MUC7: variants seen among roughly 807,000 people sequenced by gnomAD.
MUC7 encodes the protein mucin 7, secreted, also known as mucin-7.
A neutral mutation model predicts 2.5 loss-of-function variants in MUC7; 2 were observed. That is an observed-to-expected ratio of 0.81 (90% CI 0.33 to 2.55). The LOEUF (loss-of-function observed/expected upper bound fraction) is 2.55, where lower values mean the gene tolerates loss of function less well. Among genes scored for constraint, MUC7 ranks in the 30% most tolerant of loss-of-function variants. The pLI, the probability that MUC7 is intolerant of heterozygous loss-of-function variation, is 0.11. For missense variants in MUC7, 408 were observed against 455.6 expected (o/e 0.90, Z 0.95); for synonymous variants, 133 against 173.4 (o/e 0.77, Z 1.83).
intron 1 of MUC7, among the ~76,000 whole-genome samples, chr4:70,451,259 T>G (rs1734273168): frequency 1.3e-5 from 2 of 152,246 alleles, no homozygotes; most frequent in African/African-American, 2.4e-5. Context: ...TCACAATTGC[T>G]GTGTTCTCCC....
chr4:70,436,269 T>A (rs1029426820), intron 1 of MUC7, among the ~76,000 whole-genome samples: 1 of 152,202 alleles, frequency 6.6e-6, no homozygotes, highest in Non-Finnish European at 1.5e-5. Flanking sequence ...TTGGGGAAGT[T>A]CTCCTGGATA....
At chr4:70,453,749 C>T (rs948065682) in intron 1 of MUC7, among the ~76,000 whole-genome samples, 1 of 151,998 alleles carries the variant, frequency 6.6e-6, no homozygotes, top group African/African-American at 2.4e-5. Flanking sequence ...CCTGAAGCCA[C>T]TGCATCTCAG....
intron 1 of MUC7, among the ~76,000 whole-genome samples, chr4:70,456,227 GA>G (rs1372428979): frequency 6.6e-6 from 1 of 152,124 alleles, no homozygotes; most frequent in Non-Finnish European, 1.5e-5. Flanking sequence ...GAGGCATTCA[GA>G]AGACTCTGAA....
intron 1 of MUC7, among the ~76,000 whole-genome samples, chr4:70,462,807 T>TA (rs33971256): frequency 1.3e-5 from 2 of 150,138 alleles, no homozygotes; most frequent in African/African-American, 4.9e-5. Context: ...ACCCTATCTC[T>TA]AAAAAAAAAA....
At chr4:70,466,972 C>T (rs1734700003) in intron 1 of MUC7, among the ~76,000 whole-genome samples, 2 of 152,194 alleles carry the variant, frequency 1.3e-5, no homozygotes, top group Admixed American at 1.3e-4. Context: ...CTCAGCACCA[C>T]ATCATACTTA....
In MUC7 at chr4:70,459,551, G is replaced by A. The variant is rs527642572; in HGVS notation, c.-92-12664G>A. On this transcript the variant is annotated intron_variant, in intron 1 of 3. Transcript: ENST00000413702. ...CATATGTAACTAACCTGCACATTGG[G>A]CACATGTACCCTAAAACTTAAAGTA... Among the ~76,000 whole-genome samples the A allele has an allele frequency of 4.6e-5, 7 of 152,052 alleles. No homozygotes were observed. In the East Asian group the frequency reaches 1.2e-3, roughly 25 times the overall value.
chr4:70,471,244 T>A (rs1022307724), upstream of MUC7, among the ~76,000 whole-genome samples: 1 of 152,144 alleles, frequency 6.6e-6, no homozygotes, highest in Non-Finnish European at 1.5e-5. Context: ...TAAATATTTA[T>A]AAAATGACTA....
intron 1 of MUC7, among the ~76,000 whole-genome samples, chr4:70,434,548 G>T (rs960128304): frequency 1.3e-5 from 2 of 152,146 alleles, no homozygotes; most frequent in Non-Finnish European, 2.9e-5. Context: ...TTATATTTCT[G>T]TGAGATAGGT....
At chr4:70,451,748 TAAATA>T (rs1262505564) in intron 1 of MUC7, among the ~76,000 whole-genome samples, 2 of 152,224 alleles carry the variant, frequency 1.3e-5, no homozygotes, top group African/African-American at 4.8e-5. Flanking sequence ...GCCACTGAAT[TAAATA>T]TTCTGTAAAT....
At chr4:70,464,656 C>T (rs1734637768) in intron 1 of MUC7, among the ~76,000 whole-genome samples, 1 of 152,052 alleles carries the variant, frequency 6.6e-6, no homozygotes, top group African/African-American at 2.4e-5. Flanking sequence ...TGGAGCACAC[C>T]AAAGCTCAGC....
upstream of MUC7, among the ~76,000 whole-genome samples, chr4:70,469,306 A>G (rs974539559): frequency 2.0e-5 from 3 of 152,222 alleles, no homozygotes; most frequent in Admixed American, 2.0e-4. Flanking sequence ...TAAAAACCCT[A>G]GAAGAAAACC....
upstream of MUC7, among the ~76,000 whole-genome samples, chr4:70,471,542 A>G (rs1734835232): frequency 6.6e-6 from 1 of 152,180 alleles, no homozygotes; most frequent in South Asian, 2.1e-4. Context: ...TCTGTAGTTT[A>G]CCTTAAGATA....
intron 1 of MUC7, among the ~76,000 whole-genome samples, chr4:70,442,104 C>T (rs1265574313): frequency 6.6e-6 from 1 of 152,220 alleles, no homozygotes. Flanking sequence ...TCATTCCTAA[C>T]AGCCTTGGCC....
chr4:70,481,657 G>C lies in MUC7; in HGVS notation c.913G>C (p.Ala305Pro), dbSNP rs755751138. The C allele has an allele frequency of 6.2e-7, 1 of 1,613,990 alleles. No individual in the cohort carries two copies. Among genetic ancestry groups the C allele is most frequent in the South Asian group, 1.1e-5 (1 of 91,084 alleles). ...TTCCCCAGCTCCACAAGAGACCACA[G>C]CTGCCCCAATTACCACACCTAATTC... ...PSSPAPQETT[A>P]APITTPNSSP... is the part of the protein sequence containing the mutation. Residue 305 changes from alanine to proline, a missense_variant, in exon 3 of 3, where the codon GCT becomes CCT. By Grantham distance (27) the Ala-to-Pro change is conservative (BLOSUM62 -1). This residue lies in a region of MUC7 where 175 missense variants were observed against 187.1 expected (regional missense o/e 0.94). Coordinates refer to ENST00000304887, the MANE Select transcript of MUC7 (RefSeq NM_152291.3).
At chr4:70,477,266 C>A (rs1735031280) in intron 2 of MUC7, among the ~76,000 whole-genome samples, 1 of 151,992 alleles carries the variant, frequency 6.6e-6, no homozygotes, top group East Asian at 1.9e-4. Context: ...CAAAAATTAG[C>A]CAGGCATGCA....
At chr4:70,447,365 TACA>T (rs1734171845) in intron 1 of MUC7, among the ~76,000 whole-genome samples, 1 of 152,152 alleles carries the variant, frequency 6.6e-6, no homozygotes, top group African/African-American at 2.4e-5. Context: ...GGCTCCTCTT[TACA>T]ACGTGTTTAG....
chr4:70,452,559 CA>C (rs59993049), intron 1 of MUC7, among the ~76,000 whole-genome samples: 122,033 of 151,206 alleles, frequency 0.81, 49,598 homozygotes, highest in Admixed American at 0.88. Flanking sequence ...AAAACAAAAA[CA>C]AAAAAAAAAG....
At chr4:70,459,809 A>G (rs1734510904) in intron 1 of MUC7, among the ~76,000 whole-genome samples, 1 of 152,194 alleles carries the variant, frequency 6.6e-6, no homozygotes, top group Non-Finnish European at 1.5e-5. Context: ...GGGAGCCTGG[A>G]TGTTATCAAA....
intron 1 of MUC7, among the ~76,000 whole-genome samples, chr4:70,434,886 G>A (rs753906532): frequency 5.3e-5 from 8 of 151,894 alleles, no homozygotes; most frequent in Non-Finnish European, 8.8e-5. Context: ...AATTGTGTTC[G>A]AGAGATTCTG....
Sources: allele counts gnomAD v4.1 joint callset (sites outside exome capture counted in the v4.1 genomes callset), GRCh38; gene constraint gnomAD v4.1.1; regional missense constraint gnomAD v4.1.1; transcripts MANE v1.5; gene names NCBI Gene and HGNC (gene_info 2026-07-23, HGNC 2026-07-21).